The following TUSC3 variants were observed in gnomAD, a reference collection of about 807,000 sequenced individuals.
TUSC3 encodes the protein dolichyl-diphosphooligosaccharide--protein glycosyltransferase subunit TUSC3.
TUSC3 carries 45 observed loss-of-function variants against 44.8 expected under a neutral mutation model. That is an observed-to-expected ratio of 1.00 (90% confidence interval 0.79 to 1.29). The LOEUF is 1.29. Among genes scored for constraint, TUSC3 ranks in the 50% most tolerant of loss-of-function variants. The pLI is 0.00. For missense variants in TUSC3, 519 were observed against 437.9 expected, an observed-to-expected ratio of 1.19 and a Z score of -1.65; for synonymous variants, 212 against 152.9, an observed-to-expected ratio of 1.39 and a Z score of -2.85.
chr8:15,730,746 C>A lies in TUSC3; in HGVS notation c.862+17C>A, dbSNP rs760402162. ...TGGTACTGAGTATCCTTTTAAGATA[C>A]CGACGAATTGAAAAGGGCAAACTAA... On this transcript the variant is annotated intron_variant, in intron 7 of 10. Coordinates refer to ENST00000503731, the MANE Select transcript of TUSC3 (RefSeq NM_006765.4). The A allele has an allele frequency of 3.7e-6, 6 of 1,611,744 alleles. No individual in the cohort carries two copies. In the South Asian group the frequency reaches 5.5e-5, roughly 15 times the overall value.
At chr8:15,743,655 TAAG>T (rs747106073) in intron 8 of TUSC3, 43 bp downstream of exon 8, 2 of 1,595,186 alleles carry the variant, frequency 1.3e-6, no homozygotes. Flanking sequence ...GTTTTAGTCT[TAAG>T]ATTCATTTAA....
At position 15,651,014 on chromosome 8, in the gene TUSC3, C is replaced by G. The variant is rs549061671; in HGVS notation, c.426+200C>G. 8.7e-4 allele frequency: 374 copies of G among 428,494 alleles called. 3 individuals are homozygous for G. The highest frequency in any genetic ancestry group is 8.7e-3 in the South Asian group (361 of 41,396). The allele number at this position is 428,494 out of a possible 1,614,324, so 26.5% of individuals were successfully genotyped here. On this transcript the variant is annotated intron_variant, in intron 3 of 10. Transcript: ENST00000503731. ...ACACACACACACACACACACACACA[C>G]ACACACACAAATACAATTCATTCAA...
At chr8:15,618,107 A>G (rs909122827) in intron 1 of TUSC3, among the ~76,000 whole-genome samples, 1 of 152,220 alleles carries the variant, frequency 6.6e-6, no homozygotes, top group East Asian at 1.9e-4. Flanking sequence ...GACACTCTCC[A>G]TGAATGGAGC....
chr8:15,776,673 A>T, the TUSC3 span, among the ~76,000 whole-genome samples: 1 of 152,284 alleles, frequency 6.6e-6, no homozygotes, highest in East Asian at 1.9e-4. Flanking sequence ...TTTTTGCCTC[A>T]TCCCTATACT....
chr8:15,653,680 A>C (rs147236050), intron 3 of TUSC3, among the ~76,000 whole-genome samples: 2,862 of 152,328 alleles, frequency 0.019, 38 homozygotes, highest in Middle Eastern at 0.037. Flanking sequence ...TAAAAGTTAT[A>C]GCAGTTAATG....
chr8:15,779,911 G>C, the TUSC3 span, among the ~76,000 whole-genome samples: 1 of 152,078 alleles, frequency 6.6e-6, no homozygotes, highest in African/African-American at 2.4e-5. Context: ...TAATGCTTGC[G>C]TTCCTGCTAA....
chr8:15,720,197 T>TACAC (rs1239480224), intron 6 of TUSC3, among the ~76,000 whole-genome samples: 326 of 105,366 alleles, frequency 3.1e-3, no homozygotes, highest in Middle Eastern at 0.011. Flanking sequence ...AGTGTATATA[T>TACAC]ATATACACAC....
chr8:15,591,505 C>A (rs1456039984), intron 1 of TUSC3, among the ~76,000 whole-genome samples: 1 of 152,120 alleles, frequency 6.6e-6, no homozygotes, highest in Admixed American at 6.5e-5. Context: ...GTGAATATTT[C>A]TTGTCAATGG....
chr8:15,714,542 G>T (rs1809989118), intron 6 of TUSC3, among the ~76,000 whole-genome samples: 1 of 152,092 alleles, frequency 6.6e-6, no homozygotes, highest in Admixed American at 6.6e-5. Flanking sequence ...ATACCAACAT[G>T]GTTCTGAAAT....
chr8:15,420,949 T>C (rs1479287729), intron 1 of TUSC3, among the ~76,000 whole-genome samples: 1 of 152,228 alleles, frequency 6.6e-6, no homozygotes, highest in Non-Finnish European at 1.5e-5. Context: ...TGATTTAATC[T>C]AGTGTCTTTG....
At chr8:15,680,616 C>T (rs1808383538) in intron 6 of TUSC3, among the ~76,000 whole-genome samples, 1 of 152,042 alleles carries the variant, frequency 6.6e-6, no homozygotes, top group Non-Finnish European at 1.5e-5. Context: ...TGAAGACTTC[C>T]AGTACTATGC....
At chr8:15,818,844 G>A in the TUSC3 span, among the ~76,000 whole-genome samples, 4 of 152,106 alleles carry the variant, frequency 2.6e-5, no homozygotes, top group South Asian at 2.1e-4. Context: ...TTTTTGTTTC[G>A]TTGCTAATTT....
At chr8:15,768,421 A>C (rs958536441), downstream of TUSC3, among the ~76,000 whole-genome samples, 1 of 152,164 alleles carries the variant, frequency 6.6e-6, no homozygotes, top group Admixed American at 6.5e-5. Flanking sequence ...GCATATGAAG[A>C]GACAAGAAAG....
the TUSC3 span, among the ~76,000 whole-genome samples, chr8:15,827,076 T>A: frequency 6.6e-6 from 1 of 152,290 alleles, no homozygotes; most frequent in East Asian, 1.9e-4. Flanking sequence ...TTTCTGACAT[T>A]AGCATCCTAT....
chr8:15,532,506 G>T (rs1801462747), intron 2 of TUSC3, among the ~76,000 whole-genome samples: 1 of 152,104 alleles, frequency 6.6e-6, no homozygotes, highest in Admixed American at 6.5e-5. Context: ...AGACGGTCTG[G>T]GATCCTCAAT....
intron 2 of TUSC3, among the ~76,000 whole-genome samples, chr8:15,641,108 C>G (rs1806344903): frequency 6.6e-6 from 1 of 152,078 alleles, no homozygotes; most frequent in Admixed American, 6.6e-5. Flanking sequence ...CACCTGTAAT[C>G]CCAGCACTTT....
chr8:15,441,752 G>A (rs1488840310), intron 1 of TUSC3, among the ~76,000 whole-genome samples: 3 of 151,826 alleles, frequency 2.0e-5, no homozygotes, highest in Non-Finnish European at 3.0e-5. Context: ...TATTGAAGCA[G>A]TGATGAAAGC....
intron 2 of TUSC3, among the ~76,000 whole-genome samples, chr8:15,486,890 A>C (rs948636991): frequency 6.6e-6 from 1 of 152,244 alleles, no homozygotes; most frequent in African/African-American, 2.4e-5. Context: ...AGTAATAGCA[A>C]TATATCCAGG....
chr8:15,847,556 C>G, the TUSC3 span, among the ~76,000 whole-genome samples: 4 of 152,146 alleles, frequency 2.6e-5, no homozygotes, highest in Non-Finnish European at 5.9e-5. Context: ...CTCTGCCCCC[C>G]TCTCAAATGG....
Sources: gnomAD v4.1 joint callset for allele counts (sites outside exome capture counted in the v4.1 genomes callset) on GRCh38, gnomAD v4.1.1 for gene constraint, MANE v1.5 for transcripts, NCBI Gene and HGNC (gene_info 2026-07-23, HGNC 2026-07-21) for gene names.